Variants in COX7A2L observed in about 807,000 individuals in gnomAD.
COX7A2L encodes the protein cytochrome c oxidase subunit 7A2 like.
A neutral mutation model predicts 14.2 loss-of-function variants in COX7A2L; 18 were observed. That is an observed-to-expected ratio of 1.27 (90% CI 0.88 to 1.88). The LOEUF is 1.88. Ranked by LOEUF, COX7A2L falls within the 40% of genes most tolerant of loss-of-function variation. The pLI is 0.00. For synonymous variants in COX7A2L, 65 were observed against 57.4 expected, an observed-to-expected ratio of 1.13 and a Z score of -0.60; for missense variants, 179 against 138.8, an observed-to-expected ratio of 1.29 and a Z score of -1.46.
chr2:42,358,883 C>A (rs1029212635), intron 1 of COX7A2L, among the ~76,000 whole-genome samples: 3 of 152,076 alleles, frequency 2.0e-5, no homozygotes, highest in African/African-American at 7.2e-5. Flanking sequence ...GTAACCCCAG[C>A]CACTCAGGGG....
intron 1 of COX7A2L, among the ~76,000 whole-genome samples, chr2:42,358,171 G>T (rs1436177660): frequency 6.6e-6 from 1 of 152,080 alleles, no homozygotes; most frequent in African/African-American, 2.4e-5. Flanking sequence ...CTGTCTTTTT[G>T]ATTCTAGGCA....
Position 42,349,533 on chromosome 2 carries a change from C to T in COX7A2L, c.*1686G>A, listed in dbSNP as rs1209007233. 6.6e-6 allele frequency: 1 copy of T among 152,150 alleles called. No homozygotes were observed. The highest frequency in any genetic ancestry group is 1.5e-5 in the Non-Finnish European group (1 of 68,034). The allele number at this position is 152,150 out of a possible 1,614,324, so 9.4% of individuals were successfully genotyped here. A position where few individuals can be genotyped will look rare whatever the true frequency, so the allele number is the denominator to read the frequency against. ...ATATAAGTGTTCTAAAATTGATTCTCATGGTGGCTGTACAACTCCAAATAC... is the reference window on the plus strand; with the variant it reads ...ATATAAGTGTTCTAAAATTGATTCTTATGGTGGCTGTACAACTCCAAATAC... On this transcript the variant is annotated 3_prime_UTR_variant, in exon 3 of 3. Transcript: ENST00000234301.
intron 1 of COX7A2L, among the ~76,000 whole-genome samples, chr2:42,356,234 G>A (rs1216116859): frequency 6.6e-6 from 1 of 152,088 alleles, no homozygotes; most frequent in African/African-American, 2.4e-5. Context: ...CACCTTTTCA[G>A]AGAGATCTTT....
downstream of COX7A2L, among the ~76,000 whole-genome samples, chr2:42,348,810 C>T (rs550137356): frequency 1.3e-5 from 2 of 151,900 alleles, no homozygotes; most frequent in Non-Finnish European, 2.9e-5. Context: ...CCTAGTTACT[C>T]GGGAGGCTGA....
downstream of COX7A2L, among the ~76,000 whole-genome samples, chr2:42,349,155 T>C (rs550564512): frequency 6.6e-6 from 1 of 152,324 alleles, no homozygotes; most frequent in African/African-American, 2.4e-5. Context: ...TGTAAACATA[T>C]GTTCACTATT....
chr2:42,344,751 T>C (rs1572785968), downstream of COX7A2L, among the ~76,000 whole-genome samples: 2 of 151,508 alleles, frequency 1.3e-5, no homozygotes, highest in African/African-American at 2.4e-5. Flanking sequence ...CTCAGGAGCC[T>C]GAGGCAGGAG....
At chr2:42,352,986 C>G in intron 2 of COX7A2L, 1 of 579,178 alleles carries the variant, frequency 1.7e-6, no homozygotes, top group East Asian at 3.0e-5. Flanking sequence ...TCAAAACCCT[C>G]ACACCCTTAA....
At chr2:42,345,510 T>A (rs1031576640), downstream of COX7A2L, among the ~76,000 whole-genome samples, 13 of 152,116 alleles carry the variant, frequency 8.5e-5, no homozygotes, top group African/African-American at 3.1e-4. Context: ...GACACACACT[T>A]CCTCAATGTT....
chr2:42,347,288 T>C (rs953002866), downstream of COX7A2L, among the ~76,000 whole-genome samples: 7 of 147,478 alleles, frequency 4.7e-5, no homozygotes, highest in African/African-American at 1.7e-4. Flanking sequence ...CACTGCTAGA[T>C]AGGAATGTAA....
At chr2:42,361,319 C>A, upstream of COX7A2L, 1 of 647,574 alleles carries the variant, frequency 1.5e-6, no homozygotes, top group East Asian at 3.0e-5. Flanking sequence ...CACACTTAAG[C>A]CGCATTGGGG....
At chr2:42,337,201 A>G (rs183228013) in intron 2 of COX7A2L, among the ~76,000 whole-genome samples, 2 of 152,318 alleles carry the variant, frequency 1.3e-5, no homozygotes, top group African/African-American at 2.4e-5. Flanking sequence ...CTGAATCTCA[A>G]TATTTAAAAA....
At chr2:42,336,069 T>A (rs960608726) in intron 2 of COX7A2L, among the ~76,000 whole-genome samples, 11 of 152,204 alleles carry the variant, frequency 7.2e-5, no homozygotes, top group African/African-American at 2.7e-4. Context: ...TCCCTTATTA[T>A]CCAGGCTTTG....
At chr2:42,343,900 C>T (rs1055657781) in intron 2 of COX7A2L, among the ~76,000 whole-genome samples, 4 of 152,210 alleles carry the variant, frequency 2.6e-5, no homozygotes, top group African/African-American at 9.6e-5. Flanking sequence ...CCAACCTTCA[C>T]CTTACCCAAC....
downstream of COX7A2L, among the ~76,000 whole-genome samples, chr2:42,344,339 T>C (rs1670454262): frequency 6.6e-6 from 1 of 152,164 alleles, no homozygotes; most frequent in Admixed American, 6.5e-5. Flanking sequence ...CTCCCATACC[T>C]ACAACTCTGT....
downstream of COX7A2L, among the ~76,000 whole-genome samples, chr2:42,346,568 A>T (rs185047609): frequency 6.6e-6 from 1 of 152,276 alleles, no homozygotes; most frequent in Admixed American, 6.5e-5. Context: ...GCTTGAGGCC[A>T]GGAGTTCAAG....
At chr2:42,362,525 C>T (rs1671080882), upstream of COX7A2L, among the ~76,000 whole-genome samples, 2 of 152,148 alleles carry the variant, frequency 1.3e-5, no homozygotes, top group Admixed American at 1.3e-4. Flanking sequence ...TTGCTCAGGT[C>T]AGGGATAAGT....
Position 42,338,794 on chromosome 2 carries a change from T to C in COX7A2L, c.193-4925A>G, listed in dbSNP as rs1467097172. ...TGCTTCCCATGAAAGCATTTTCCAG[T>C]GAGTGGAGGTGGGTTTAGGTGTTAT... On this transcript the variant is annotated intron_variant, in intron 2 of 2. Transcript: ENST00000468711. This position sits in a 1 kb window ranked among gnomAD's most constrained non-coding sequence, Gnocchi z 4.4. Among the ~76,000 whole-genome samples, 3 of 152,180 alleles carry C rather than the reference T, an allele frequency of 2.0e-5. No homozygotes were observed. Among genetic ancestry groups the C allele is most frequent in the Non-Finnish European group, 4.4e-5 (3 of 68,022 alleles).
chr2:42,353,391 G>A (rs1300019308), intron 1 of COX7A2L, 48 bp from the exon 2 acceptor site: 2 of 1,607,700 alleles, frequency 1.2e-6, no homozygotes, highest in Non-Finnish European at 1.7e-6. Context: ...TGTCTGAGGA[G>A]GCTGTCTGGA....
chr2:42,361,105 C>G lies in COX7A2L; in HGVS notation c.57G>C (p.Glu19Asp). The G allele has an allele frequency of 6.2e-7, 1 of 1,613,810 alleles. No homozygotes were observed. The highest frequency in any genetic ancestry group is 8.5e-7 in the Non-Finnish European group (1 of 1,179,898). ...CCACTCGTACCTGCGGGCTATAGGC[C>G]TCCGAAGCCCATGCTCCTGCCAACT... ...TQKLAGAWAS[E>D]AYSPQGLKPV... Residue 19 changes from glutamate (E) to aspartate (D), a missense_variant, in exon 1 of 3, where the codon GAG (glutamate) becomes GAC (aspartate). Coordinates refer to ENST00000234301, the MANE Select transcript of COX7A2L (RefSeq NM_004718.4).
Sources: gnomAD v4.1 joint callset for allele counts (sites outside exome capture counted in the v4.1 genomes callset) on GRCh38, gnomAD v4.1.1 for gene constraint, Gnocchi (gnomAD v3.1) non-coding constraint, MANE v1.5 for transcripts, NCBI Gene and HGNC (gene_info 2026-07-23, HGNC 2026-07-21) for gene names.